The following WDTC1 variants were observed in gnomAD, a reference collection of about 807,000 sequenced individuals.
WDTC1 encodes the protein WD and tetratricopeptide repeats protein 1.
A neutral mutation model predicts 76.0 loss-of-function variants in WDTC1; 12 were observed. The observed-to-expected ratio is 0.16, with a 90% CI of 0.10 to 0.26. The LOEUF (loss-of-function observed/expected upper bound fraction) is 0.26, where lower values mean the gene tolerates loss of function less well. Ranked by LOEUF, WDTC1 falls within the 10% of genes least tolerant of loss-of-function variation. The probability of loss-of-function intolerance (pLI) is 1.00; values close to 1 mark genes in which losing one functional copy is unlikely to be tolerated. For synonymous variants in WDTC1, 326 were observed against 350.8 expected, an observed-to-expected ratio of 0.93 and a Z score of 0.79; for missense variants, 511 against 908.8, an observed-to-expected ratio of 0.56 and a Z score of 5.63.
Position 27,289,997 on chromosome 1 carries a change from G to A in WDTC1, c.479+2136G>A, listed in dbSNP as rs574979407. On this transcript the variant is annotated intron_variant, in intron 6 of 15. Transcript: ENST00000319394. ...GTGGAAAGAGAGGGAGAGGGAGACC[G>A]TGGAAAGAGAGGGAGAGGGAGACCG... is the stretch of plus-strand genomic sequence containing the variant. Among the ~76,000 whole-genome samples, 211 of 151,884 alleles carry A rather than the reference G, an allele frequency of 1.4e-3. 1 individual carries two copies. The highest frequency in any genetic ancestry group is 1.3e-3 in the Non-Finnish European group (90 of 67,928).
intron 3 of WDTC1, among the ~76,000 whole-genome samples, chr1:27,265,488 A>G (rs548027690): frequency 7.8e-4 from 119 of 152,210 alleles, no homozygotes; most frequent in Non-Finnish European, 1.4e-3. Context: ...TCTACTAAAC[A>G]TTTTTTAAAA....
intron 1 of WDTC1, among the ~76,000 whole-genome samples, chr1:27,249,932 G>A (rs750290105): frequency 2.6e-5 from 4 of 151,938 alleles, no homozygotes; most frequent in Non-Finnish European, 4.4e-5. Flanking sequence ...TTTTAACAAC[G>A]TCACGATTTT....
At chr1:27,262,052 C>T (rs766784272) in intron 2 of WDTC1, among the ~76,000 whole-genome samples, 7 of 151,592 alleles carry the variant, frequency 4.6e-5, no homozygotes, top group Non-Finnish European at 7.4e-5. Flanking sequence ...GCCTCAGCCT[C>T]GCAAGTAGCT....
At chr1:27,252,236 ACTCAGGAGG>A (rs1557480609) in intron 1 of WDTC1, among the ~76,000 whole-genome samples, 1 of 151,730 alleles carries the variant, frequency 6.6e-6, no homozygotes, top group African/African-American at 2.4e-5. Context: ...GGTCCCAGCT[ACTCAGGAGG>A]GTGAGGTGGC....
At chr1:27,249,266 C>A (rs78080267) in intron 1 of WDTC1, among the ~76,000 whole-genome samples, 94 of 140,202 alleles carry the variant, frequency 6.7e-4, no homozygotes, top group Admixed American at 8.6e-4. Context: ...GAGACTGTCT[C>A]AAAAAAAAAA....
chr1:27,289,792 G>C (rs7551882), intron 6 of WDTC1, among the ~76,000 whole-genome samples: 144,624 of 148,868 alleles, frequency 0.97, 70,370 homozygotes, highest in Non-Finnish European at 1. Context: ...AGACCGGCCC[G>C]GCCAACACAG....
At chr1:27,298,217 G>A in intron 12 of WDTC1, 106 bp downstream of exon 12, 4 of 1,408,174 alleles carry the variant, frequency 2.8e-6, no homozygotes, top group Non-Finnish European at 3.8e-6. Flanking sequence ...TCCAGGGAAA[G>A]TGGCAAGAAC....
intron 3 of WDTC1, among the ~76,000 whole-genome samples, chr1:27,272,379 G>A (rs2012897513): frequency 6.6e-6 from 1 of 152,146 alleles, no homozygotes; most frequent in African/African-American, 2.4e-5. Context: ...TGAGGCGTGA[G>A]CCACCATGCC....
At chr1:27,285,688 G>A (rs1232489650) in intron 5 of WDTC1, among the ~76,000 whole-genome samples, 6 of 150,176 alleles carry the variant, frequency 4.0e-5, no homozygotes, top group Admixed American at 2.7e-4. Flanking sequence ...GCAAGATCTC[G>A]GCTCACCGCT....
At chr1:27,286,324 T>A (rs910496160) in intron 5 of WDTC1, among the ~76,000 whole-genome samples, 2 of 151,492 alleles carry the variant, frequency 1.3e-5, no homozygotes, top group African/African-American at 2.4e-5. Context: ...TTTTTTTTTT[T>A]AATAAATACT....
In WDTC1 at chr1:27,263,200, T is replaced by C. The variant is rs755919731; in HGVS notation, c.97T>C (p.Phe33Leu). 1 of 1,613,540 alleles carries C rather than the reference T, an allele frequency of 6.2e-7. No homozygotes were observed. The highest frequency in any genetic ancestry group is 1.7e-5 in the Admixed American group (1 of 59,972). The change falls in exon 3 of 16, where the codon TTT becomes CTT. Residue 33 changes from phenylalanine (F) to leucine (L), a missense_variant. Coordinates refer to ENST00000319394, the MANE Select transcript of WDTC1 (RefSeq NM_001276252.2). The part of the protein sequence containing the change: ...FERRYHVTDP[F>L]IRRLGLEAEL... Reference sequence around the variant, plus strand: ...GCGGCGCTACCATGTCACTGACCCCTTTATCCGGCGGCTGGGCCTGGAAGC... The same window carrying C: ...GCGGCGCTACCATGTCACTGACCCCCTTATCCGGCGGCTGGGCCTGGAAGC...
intron 1 of WDTC1, among the ~76,000 whole-genome samples, chr1:27,246,697 G>A (rs1310773557): frequency 6.6e-6 from 1 of 151,948 alleles, no homozygotes; most frequent in East Asian, 1.9e-4. Flanking sequence ...GAGTAGCTGG[G>A]ATTACAGGTG....
At chr1:27,286,961 G>A (rs997855748) in intron 5 of WDTC1, among the ~76,000 whole-genome samples, 7 of 151,760 alleles carry the variant, frequency 4.6e-5, no homozygotes, top group African/African-American at 1.7e-4. Context: ...TCAGGAGTTC[G>A]AGACCAGCCT....
chr1:27,268,220 CA>C (rs1355469309), intron 3 of WDTC1, among the ~76,000 whole-genome samples: 2 of 152,168 alleles, frequency 1.3e-5, no homozygotes, highest in East Asian at 3.9e-4. Flanking sequence ...GCAGGTGGAT[CA>C]CTTGAGCTCA....
intron 3 of WDTC1, among the ~76,000 whole-genome samples, chr1:27,265,279 A>G (rs2012623637): frequency 6.6e-6 from 1 of 152,192 alleles, no homozygotes. Context: ...TGGGCTGAAT[A>G]CAAAAGCAGA....
intron 3 of WDTC1, among the ~76,000 whole-genome samples, chr1:27,264,694 C>A (rs1346749596): frequency 6.6e-6 from 1 of 151,968 alleles, no homozygotes; most frequent in Non-Finnish European, 1.5e-5. Flanking sequence ...TGCTGTGTTG[C>A]CCAAGCTGAT....
At chr1:27,302,088 A>G (rs1192684153) in intron 13 of WDTC1, among the ~76,000 whole-genome samples, 1 of 152,198 alleles carries the variant, frequency 6.6e-6, no homozygotes, top group African/African-American at 2.4e-5. Context: ...CGGTGAGCTC[A>G]TAGGAGGCAG....
intron 3 of WDTC1, among the ~76,000 whole-genome samples, chr1:27,281,708 G>A (rs1456451598): frequency 1.3e-5 from 2 of 152,020 alleles, no homozygotes; most frequent in African/African-American, 4.8e-5. Context: ...CCCAACCTCA[G>A]CCTCCCGAGT....
At position 27,307,970 on chromosome 1, in the gene WDTC1, G is replaced by C. The variant is rs1458385703; in HGVS notation, c.*1587G>C. The C allele has an allele frequency of 6.6e-6, 1 of 152,624 alleles. No homozygotes were observed. The highest frequency in any genetic ancestry group is 1.9e-4 in the East Asian group (1 of 5,184). The allele number at this position is 152,624 out of a possible 1,614,324, so 9.5% of individuals were successfully genotyped here. Reference sequence around the variant, plus strand: ...TTTCTCTAGCCAGGGAGAAGGGAGAGCAGGAGTATTGGGGCTGGGCCCTGG... The same window carrying C: ...TTTCTCTAGCCAGGGAGAAGGGAGACCAGGAGTATTGGGGCTGGGCCCTGG... On this transcript the variant is annotated 3_prime_UTR_variant, in exon 16 of 16. Transcript: ENST00000319394. The surrounding 1 kb of genome is among the most constrained non-coding windows in gnomAD (Gnocchi z 4.1).
Sources: allele counts gnomAD v4.1 joint callset (sites outside exome capture counted in the v4.1 genomes callset), GRCh38; gene constraint gnomAD v4.1.1; non-coding constraint Gnocchi (gnomAD v3.1); transcripts MANE v1.5; gene names NCBI Gene and HGNC (gene_info 2026-07-23, HGNC 2026-07-21).